Variants in ZFAT observed in about 807,000 individuals in gnomAD.
ZFAT encodes zinc finger protein ZFAT.
In ZFAT, 64 loss-of-function variants were observed where a neutral mutation model predicts 117.7. The observed-to-expected ratio is 0.54, with a 90% CI of 0.44 to 0.67. The LOEUF (loss-of-function observed/expected upper bound fraction) is 0.67. ZFAT is among the 30% of genes least tolerant of loss of function. The pLI is 0.00. For missense variants in ZFAT, 1,433 were observed against 1,584.5 expected (o/e 0.90, Z 1.62); for synonymous variants, 679 against 615.0 (o/e 1.10, Z -1.54).
intron 10 of ZFAT, among the ~76,000 whole-genome samples, chr8:134,578,831 C>T (rs1008504877): frequency 6.6e-6 from 1 of 152,154 alleles, no homozygotes; most frequent in Non-Finnish European, 1.5e-5. Context: ...ATGAGACAGT[C>T]AAGACTGACC....
chr8:134,741,218 C>A, the ZFAT span, among the ~76,000 whole-genome samples: 1 of 152,102 alleles, frequency 6.6e-6, no homozygotes, highest in African/African-American at 2.4e-5. Context: ...GCCCCCACCC[C>A]TCATAGACAA....
At chr8:134,687,486 A>T (rs997256938) in intron 1 of ZFAT, among the ~76,000 whole-genome samples, 5 of 152,230 alleles carry the variant, frequency 3.3e-5, no homozygotes, top group Non-Finnish European at 7.3e-5. Flanking sequence ...AATGGAATAC[A>T]TTCACATTTA....
At chr8:134,501,276 G>C (rs187410373) in intron 15 of ZFAT, among the ~76,000 whole-genome samples, 79 of 152,234 alleles carry the variant, frequency 5.2e-4, no homozygotes, top group Non-Finnish European at 8.2e-4. Flanking sequence ...CAATTTGCCC[G>C]CCTACAGAGG....
the ZFAT span, among the ~76,000 whole-genome samples, chr8:134,778,507 T>G: frequency 6.6e-6 from 1 of 152,366 alleles, no homozygotes; most frequent in Admixed American, 6.5e-5. Context: ...ATCCATCTGC[T>G]CGTCAGTCTA....
chr8:134,593,690 C>G (rs1420331571), intron 7 of ZFAT, among the ~76,000 whole-genome samples: 1 of 152,220 alleles, frequency 6.6e-6, no homozygotes, highest in Non-Finnish European at 1.5e-5. Context: ...GGGCAAACCT[C>G]ATCTGGTCTA....
chr8:134,487,401 G>C (rs1408143974), intron 15 of ZFAT, among the ~76,000 whole-genome samples: 1 of 152,196 alleles, frequency 6.6e-6, no homozygotes, highest in East Asian at 1.9e-4. Context: ...GAGGAAGGCA[G>C]GGTGAGGGGA....
intron 10 of ZFAT, among the ~76,000 whole-genome samples, chr8:134,568,367 T>C (rs1266627519): frequency 2.6e-5 from 4 of 152,210 alleles, no homozygotes; most frequent in Non-Finnish European, 5.9e-5. Context: ...TTCTACACAG[T>C]TCCAGTTGAA....
At chr8:134,612,481 C>A (rs1828413687) in intron 3 of ZFAT, among the ~76,000 whole-genome samples, 1 of 152,168 alleles carries the variant, frequency 6.6e-6, no homozygotes, top group Non-Finnish European at 1.5e-5. Flanking sequence ...CTTAGGGAGG[C>A]AGGCTGGTTC....
chr8:134,602,024 C>G lies in ZFAT; in HGVS notation c.1695G>C (p.Pro565=). 1 of 1,612,018 alleles carries G rather than the reference C, an allele frequency of 6.2e-7. No homozygotes were observed. Among genetic ancestry groups the G allele is most frequent in the Non-Finnish European group, 8.5e-7 (1 of 1,179,546 alleles). ...GTGGCAGGGCTGTGCTTTCGGCCTGCGGGGAGGCCAGGTGCACAGCTGGGG... is the reference window on the plus strand; with the variant it reads ...GTGGCAGGGCTGTGCTTTCGGCCTGGGGGGAGGCCAGGTGCACAGCTGGGG... The part of the protein sequence containing the change: ...MPAPAVHLAS[P]QAESTALPPC... Residue 565 remains proline, a synonymous_variant, in exon 6 of 16, where the codon CCG becomes CCC. Coordinates refer to ENST00000377838, the MANE Select transcript of ZFAT (RefSeq NM_020863.4).
At chr8:134,642,219 A>G (rs1345964319) in intron 2 of ZFAT, among the ~76,000 whole-genome samples, 2 of 152,212 alleles carry the variant, frequency 1.3e-5, no homozygotes, top group Non-Finnish European at 1.5e-5. Context: ...TCAAAAATGT[A>G]TCTGCAGAAT....
the ZFAT span, chr8:134,723,227 A>G: frequency 6.6e-6 from 1 of 152,298 alleles, no homozygotes; most frequent in Non-Finnish European, 1.5e-5. Flanking sequence ...TGCAGGCAGC[A>G]CTGTCAGCAT....
chr8:134,581,809 C>T (rs535812096), intron 10 of ZFAT, among the ~76,000 whole-genome samples: 13 of 152,192 alleles, frequency 8.5e-5, no homozygotes, highest in Non-Finnish European at 1.6e-4. Context: ...TGGTCTCAAA[C>T]TCCTTCGCTC....
At chr8:134,815,908 T>G in the ZFAT span, among the ~76,000 whole-genome samples, 4 of 152,326 alleles carry the variant, frequency 2.6e-5, no homozygotes, top group East Asian at 7.7e-4. Context: ...CTGAAATTGT[T>G]TAGTTTATTC....
chr8:134,538,534 A>C (rs10088972), intron 11 of ZFAT, among the ~76,000 whole-genome samples: 1 of 152,176 alleles, frequency 6.6e-6, no homozygotes, highest in African/African-American at 2.4e-5. Flanking sequence ...GCAGTGGCTC[A>C]CGCCTGTAAT....
chr8:134,783,807 T>C, the ZFAT span: 1 of 152,198 alleles, frequency 6.6e-6, no homozygotes, highest in East Asian at 1.9e-4. Flanking sequence ...AGTTGTCCCA[T>C]CTGACAGGAG....
At chr8:134,525,591 T>C (rs1820970116) in intron 12 of ZFAT, among the ~76,000 whole-genome samples, 1 of 152,172 alleles carries the variant, frequency 6.6e-6, no homozygotes, top group Non-Finnish European at 1.5e-5. Context: ...GTCAGTGGAA[T>C]CAAGACAGAG....
At chr8:134,658,756 G>T (rs1441497956) in intron 1 of ZFAT, among the ~76,000 whole-genome samples, 1 of 152,218 alleles carries the variant, frequency 6.6e-6, no homozygotes, top group Non-Finnish European at 1.5e-5. Flanking sequence ...CTGAAAGGAA[G>T]TGGCTTTGTC....
At chr8:134,686,058 C>G (rs989797454) in intron 1 of ZFAT, among the ~76,000 whole-genome samples, 36 of 152,346 alleles carry the variant, frequency 2.4e-4, no homozygotes, top group African/African-American at 7.7e-4. Flanking sequence ...GTCACTGCTG[C>G]TGCTGGTCCC....
chr8:134,618,411 T>G (rs930991728), intron 3 of ZFAT, among the ~76,000 whole-genome samples: 1 of 151,804 alleles, frequency 6.6e-6, no homozygotes, highest in Admixed American at 6.6e-5. Context: ...AGGCGGGGAG[T>G]CACACCCCTG....
Sources: allele counts gnomAD v4.1 joint callset (sites outside exome capture counted in the v4.1 genomes callset), GRCh38; gene constraint gnomAD v4.1.1; transcripts MANE v1.5; gene names NCBI Gene and HGNC (gene_info 2026-07-23, HGNC 2026-07-21).